Variants in TRIOBP observed in about 807,000 individuals in gnomAD.
TRIOBP encodes the protein TRIO and F-actin-binding protein.
In TRIOBP, 169 loss-of-function variants were observed where a neutral mutation model predicts 238.8. The observed-to-expected ratio is 0.71, with a 90% CI of 0.62 to 0.80. TRIOBP has a LOEUF of 0.80. TRIOBP is among the 30% of genes least tolerant of loss of function. TRIOBP has a pLI of 0.00. For missense variants in TRIOBP, 2,838 were observed against 3,122.6 expected (o/e 0.91, Z 2.17); for synonymous variants, 1,150 against 1,274.4 (o/e 0.90, Z 2.08).
rs1158549071 is a variant in TRIOBP at position 37,738,631 on chromosome 22, T to C, written c.5107-11T>C. 7 of 1,613,454 alleles carry C rather than the reference T, an allele frequency of 4.3e-6. No homozygotes were observed. The highest frequency in any genetic ancestry group is 5.9e-6 in the Non-Finnish European group (7 of 1,179,768). ...AGTTGGGCTAAGCTGTGTTCTTTTT[T>C]TAATCTCCAGTTCCAACCAGAGGAG... On this transcript the variant is annotated splice_polypyrimidine_tract_variant and intron_variant, in intron 9 of 23. Transcript: ENST00000644935.
intron 6 of TRIOBP, among the ~76,000 whole-genome samples, chr22:37,719,872 C>T (rs1276119390): frequency 6.8e-6 from 1 of 147,910 alleles, no homozygotes; most frequent in Non-Finnish European, 1.5e-5. Flanking sequence ...AACCATGACT[C>T]CGGAGTCCAC....
intron 2 of TRIOBP, among the ~76,000 whole-genome samples, chr22:37,699,452 GC>G (rs1922531750): frequency 6.6e-6 from 1 of 151,984 alleles, no homozygotes; most frequent in African/African-American, 2.4e-5. Context: ...AGCCTTAGTT[GC>G]CTGATCTAAA....
At position 37,724,524 on chromosome 22, in the gene TRIOBP, C is replaced by T. The variant is rs376169386; in HGVS notation, c.1968C>T (p.Asp656=). 3.3e-5 allele frequency: 53 copies of T among 1,601,556 alleles called. No homozygotes were observed. Among genetic ancestry groups the T allele is most frequent in the Non-Finnish European group, 3.4e-5 (40 of 1,173,656 alleles). The change falls in exon 7 of 24, where the codon GAC becomes GAT. Residue 656 remains aspartate, a synonymous_variant. Transcript: ENST00000644935. ...CCAGAACATCCTGTGCCCGACGGGA[C>T]GATCCCAGAGCCTCCTCTCCTAACA... The part of the protein sequence containing the change: ...DSPRTSCARR[D]DPRASSPNRT...
intron 21 of TRIOBP, among the ~76,000 whole-genome samples, chr22:37,770,176 C>T (rs1487545581): frequency 7.5e-5 from 11 of 146,940 alleles, no homozygotes; most frequent in Non-Finnish European, 1.4e-4. Flanking sequence ...CGGTGGCTCA[C>T]GCCTGTAATC....
chr22:37,724,927 C>T lies in TRIOBP; in HGVS notation c.2371C>T (p.Pro791Ser), dbSNP rs1924047439. 6.2e-7 allele frequency: 1 copy of T among 1,613,908 alleles called. No homozygotes were observed. The highest frequency in any genetic ancestry group is 1.7e-4 in the Middle Eastern group (1 of 6,060). Residue 791 changes from proline (P) to serine (S), a missense_variant, in exon 7 of 24, where the codon CCC (proline) becomes TCC (serine). By Grantham distance (74) the Pro-to-Ser change is moderately conservative (BLOSUM62 -1). Around this residue, in one of 5 missense-constraint regions of TRIOBP, gnomAD observed 2,096 missense variants for 2,137.4 expected, o/e 0.98. Coordinates refer to ENST00000644935, the MANE Select transcript of TRIOBP (RefSeq NM_001039141.3). ...SSPNRATRDN[P>S]RTSCAQRDNL... ...TCCCAATAGAGCCACACGAGACAACCCCAGAACATCCTGTGCCCAGCGGGA... is the reference window on the plus strand; with the variant it reads ...TCCCAATAGAGCCACACGAGACAACTCCAGAACATCCTGTGCCCAGCGGGA...
rs1473849690 is a variant in TRIOBP at position 37,725,807 on chromosome 22, C to A, written c.3251C>A (p.Pro1084His). 1 of 1,611,990 alleles carries A rather than the reference C, an allele frequency of 6.2e-7. No individual in the cohort carries two copies. The highest frequency in any genetic ancestry group is 8.5e-7 in the Non-Finnish European group (1 of 1,179,070). ...SSPPRHTQFD[P>H]FPFLPDTSDA... is the part of the protein sequence containing the mutation. Reference sequence around the variant, plus strand: ...CCCCCCCGCCACACCCAATTTGACCCCTTCCCCTTCCTCCCAGACACATCA... The same window carrying A: ...CCCCCCCGCCACACCCAATTTGACCACTTCCCCTTCCTCCCAGACACATCA... The change falls in exon 7 of 24, where the codon CCC becomes CAC. Residue 1084 changes from proline (P) to histidine (H), a missense_variant. Physicochemically the swap from Pro to His is moderately conservative, Grantham distance 77. Coordinates refer to ENST00000644935, the MANE Select transcript of TRIOBP (RefSeq NM_001039141.3).
chr22:37,751,798 A>G lies in TRIOBP; in HGVS notation c.5349A>G (p.Gly1783=), dbSNP rs201691906. 2 of 1,613,962 alleles carry G rather than the reference A, an allele frequency of 1.2e-6. No individual in the cohort carries two copies. The highest frequency in any genetic ancestry group is 1.7e-6 in the Non-Finnish European group (2 of 1,179,978). Residue 1783 remains glycine, a synonymous_variant, in exon 12 of 24, where the codon GGA becomes GGG. Coordinates refer to ENST00000644935, the MANE Select transcript of TRIOBP (RefSeq NM_001039141.3). Reference sequence around the variant, plus strand: ...CCGATCTGCTCAACTTCAAGAAGGGATGGATGTCGATCTTGGACGAGCCTG... The same window carrying G: ...CCGATCTGCTCAACTTCAAGAAGGGGTGGATGTCGATCTTGGACGAGCCTG... ...RRPDLLNFKK[G]WMSILDEPGE...
In TRIOBP at chr22:37,733,279, T is replaced by A. The variant is rs1445540356; in HGVS notation, c.3948-19T>A. The A allele has an allele frequency of 1.3e-6, 2 of 1,528,332 alleles. No individual in the cohort carries two copies. Among genetic ancestry groups the A allele is most frequent in the East Asian group, 2.5e-5 (1 of 40,776 alleles). The allele number at this position is 1,528,332 out of a possible 1,614,324, so 94.7% of individuals were successfully genotyped here. On this transcript the variant is annotated intron_variant, in intron 7 of 23. Coordinates refer to ENST00000644935, the MANE Select transcript of TRIOBP (RefSeq NM_001039141.3). ...GGAGTGGGACAGTCCCTCAGAGGAG[T>A]GGCTGCATTTGCTCATAGGAAGTCC...
chr22:37,758,566 C>T (rs1926071595), intron 16 of TRIOBP, among the ~76,000 whole-genome samples: 1 of 152,046 alleles, frequency 6.6e-6, no homozygotes, highest in African/African-American at 2.4e-5. Flanking sequence ...GCCCCAGCTA[C>T]TTGAGAGGCT....
rs1203086168 is a variant in TRIOBP, at chr22:37,746,450, G to T, written c.5323-5322G>T. ...GTGCCCCAGTCAGCCGCCCGCGCCC[G>T]AGGCCGGGAGAAGGGCGACGACCCG... On this transcript the variant is annotated intron_variant, in intron 11 of 23. Transcript: ENST00000644935. 4 of 1,418,972 alleles carry T rather than the reference G, an allele frequency of 2.8e-6. No individual in the cohort carries two copies. The Admixed American group carries it at 6.8e-5, about 24-fold the overall frequency. 87.9% of individuals were successfully genotyped at this position (1,418,972 alleles called of 1,614,324 possible). A position where few individuals can be genotyped will look rare whatever the true frequency, so the allele number is the denominator to read the frequency against.
rs1018791461 is a variant in TRIOBP, at chr22:37,726,536, T to C, written c.3947+33T>C. 32 of 1,437,834 alleles carry C rather than the reference T, an allele frequency of 2.2e-5. No homozygotes were observed. In the Admixed American group the frequency reaches 5.6e-4, roughly 25 times the overall value. The allele number at this position is 1,437,834 out of a possible 1,614,324, so 89.1% of individuals were successfully genotyped here. ...CGGGGGTGGGGTCAGCCAGGTGGGCTGGGGAGGAGGCTCGGCAGCAGGACA... is the reference window on the plus strand; with the variant it reads ...CGGGGGTGGGGTCAGCCAGGTGGGCCGGGGAGGAGGCTCGGCAGCAGGACA... On this transcript the variant is annotated intron_variant, in intron 7 of 23. Coordinates refer to ENST00000644935, the MANE Select transcript of TRIOBP (RefSeq NM_001039141.3).
chr22:37,771,825 C>T (rs1307510953), intron 22 of TRIOBP, 89 bp downstream of exon 22: 2 of 1,161,790 alleles, frequency 1.7e-6, no homozygotes, highest in Admixed American at 1.9e-5. Flanking sequence ...GCCAAGCCCT[C>T]CACTCGCTTC....
intron 5 of TRIOBP, 36 bp from the exon 6 acceptor site, chr22:37,715,727 C>T (rs747523971): frequency 1.2e-6 from 2 of 1,608,350 alleles, no homozygotes; most frequent in Non-Finnish European, 1.7e-6. Context: ...CCTTTTTTCT[C>T]CCGCAAACAT....
chr22:37,763,047 G>A (rs925846412), intron 17 of TRIOBP, among the ~76,000 whole-genome samples: 2 of 152,102 alleles, frequency 1.3e-5, no homozygotes, highest in African/African-American at 4.8e-5. Flanking sequence ...AGAGGCCCTA[G>A]GAGCCCCTGT....
At chr22:37,763,187 G>A (rs1569060830) in intron 17 of TRIOBP, among the ~76,000 whole-genome samples, 2 of 152,324 alleles carry the variant, frequency 1.3e-5, no homozygotes, top group South Asian at 2.1e-4. Context: ...ACTGGTGGAT[G>A]CTGGCGTACC....
At chr22:37,717,380 G>A (rs1438666317) in intron 6 of TRIOBP, among the ~76,000 whole-genome samples, 1 of 152,194 alleles carries the variant, frequency 6.6e-6, no homozygotes, top group Non-Finnish European at 1.5e-5. Context: ...CGAGCGGGTT[G>A]CCAGAGCTGG....
At chr22:37,746,493 T>C in intron 11 of TRIOBP, 4 of 1,265,380 alleles carry the variant, frequency 3.2e-6, no homozygotes, top group African/African-American at 1.6e-5. Context: ...GCCCAGCCTC[T>C]CCCCTCCGGG....
intron 3 of TRIOBP, among the ~76,000 whole-genome samples, chr22:37,709,032 G>A (rs1348724879): frequency 6.6e-6 from 1 of 152,242 alleles, no homozygotes; most frequent in Non-Finnish European, 1.5e-5. Flanking sequence ...GGGTGGCCAA[G>A]GCGCCAGGCC....
chr22:37,736,028 G>T (rs576379120), intron 9 of TRIOBP, among the ~76,000 whole-genome samples: 3 of 152,378 alleles, frequency 2.0e-5, no homozygotes, highest in Admixed American at 2.0e-4. Flanking sequence ...ACACAGAGAA[G>T]AGGGTGCATC....
Sources: gnomAD v4.1 joint callset for allele counts (sites outside exome capture counted in the v4.1 genomes callset) on GRCh38, gnomAD v4.1.1 for gene constraint, gnomAD v4.1.1 regional missense constraint, MANE v1.5 for transcripts, NCBI Gene and HGNC (gene_info 2026-07-23, HGNC 2026-07-21) for gene names.